FGGY: variants seen among roughly 807,000 people sequenced by gnomAD.
FGGY encodes FGGY carbohydrate kinase domain-containing protein.
Under a neutral mutation model 71.3 loss-of-function variants are expected in FGGY, and 72 were observed. The observed-to-expected ratio is 1.01, with a 90% CI of 0.84 to 1.23. The LOEUF is 1.23. Among genes scored for constraint, FGGY ranks in the 50% most tolerant of loss-of-function variants. The probability of loss-of-function intolerance (pLI) is 0.00; values close to 1 mark genes in which losing one functional copy is unlikely to be tolerated. For synonymous variants in FGGY, 251 were observed against 250.3 expected (o/e 1.00, Z -0.02); for missense variants, 668 against 682.3 (o/e 0.98, Z 0.23).
rs202054552 is a variant in FGGY at position 59,482,624 on chromosome 1, G to GTCTA, written c.670+25549_670+25550insCTAT. On this transcript the variant is annotated intron_variant, in intron 6 of 15. Coordinates refer to ENST00000303721, the MANE Select transcript of FGGY (RefSeq NM_018291.5). ...TGTATATATACATATGTGTGTGTGT[G>GTCTA]TGTCTGTGTGTATATATATATATAT... is the stretch of plus-strand genomic sequence containing the variant. Among the ~76,000 whole-genome samples the GTCTA allele has an allele frequency of 4.6e-4, 47 of 103,070 alleles. 1 individual carries two copies. Among genetic ancestry groups the GTCTA allele is most frequent in the African/African-American group, 2.2e-3 (43 of 19,816 alleles). 67.6% of individuals were successfully genotyped at this position (103,070 alleles called of 152,430 possible). A position where few individuals can be genotyped will look rare whatever the true frequency, so the allele number is the denominator to read the frequency against.
intron 4 of FGGY, among the ~76,000 whole-genome samples, chr1:59,364,460 A>G (rs1386314658): frequency 6.6e-6 from 1 of 152,190 alleles, no homozygotes; most frequent in South Asian, 2.1e-4. Flanking sequence ...TCATTTATCC[A>G]TTCATTCCTT....
chr1:59,704,580 A>T (rs1177756829), intron 14 of FGGY, among the ~76,000 whole-genome samples: 1 of 152,206 alleles, frequency 6.6e-6, no homozygotes, highest in Non-Finnish European at 1.5e-5. Flanking sequence ...TTTTTTATCT[A>T]CAAGATACTT....
At position 59,468,622 on chromosome 1, in the gene FGGY, C is replaced by G. The variant is rs1217991362; in HGVS notation, c.670+11546C>G. Reference sequence around the variant, plus strand: ...GCGTGGTGGCTCACACCTGTAATCCCAGCACTTTGGGAGGCCGAGGCAGGT... The same window carrying G: ...GCGTGGTGGCTCACACCTGTAATCCGAGCACTTTGGGAGGCCGAGGCAGGT... On this transcript the variant is annotated intron_variant, in intron 6 of 15. Transcript: ENST00000303721. Among the ~76,000 whole-genome samples, 5 of 152,072 alleles carry G rather than the reference C, an allele frequency of 3.3e-5. No individual in the cohort carries two copies. In the East Asian group the frequency reaches 7.7e-4, roughly 23 times the overall value.
At chr1:59,440,555 CAA>C (rs2153476543) in intron 5 of FGGY, among the ~76,000 whole-genome samples, 1 of 151,022 alleles carries the variant, frequency 6.6e-6, no homozygotes, top group East Asian at 1.9e-4. Context: ...GGTAGTAGGT[CAA>C]AGAAGACATC....
upstream of FGGY, chr1:59,296,934 G>A (rs988151028): frequency 6.6e-6 from 1 of 152,588 alleles, no homozygotes; most frequent in Non-Finnish European, 1.5e-5. Context: ...TCAGTCCCAC[G>A]TGGGCGCTGG....
chr1:59,384,965 T>C (rs2059910955), intron 5 of FGGY, among the ~76,000 whole-genome samples: 1 of 152,202 alleles, frequency 6.6e-6, no homozygotes, highest in South Asian at 2.1e-4. Context: ...TTTATTTGGC[T>C]CTTACATGTG....
intron 11 of FGGY, among the ~76,000 whole-genome samples, chr1:59,652,729 A>C (rs983278254): frequency 6.6e-6 from 1 of 150,594 alleles, no homozygotes; most frequent in South Asian, 2.1e-4. Flanking sequence ...TAATTTGATC[A>C]TCTGAAGCCT....
chr1:59,507,683 A>G (rs1029184208), intron 6 of FGGY, among the ~76,000 whole-genome samples: 2 of 107,260 alleles, frequency 1.9e-5, no homozygotes, highest in Non-Finnish European at 3.5e-5. Flanking sequence ...ATGCTTGGCT[A>G]ATTTTTTTTT....
At chr1:59,458,053 G>C (rs1314897785) in intron 6 of FGGY, among the ~76,000 whole-genome samples, 1 of 152,180 alleles carries the variant, frequency 6.6e-6, no homozygotes, top group Non-Finnish European at 1.5e-5. Context: ...ATCAATAAAT[G>C]GTAAGTCAGG....
At chr1:59,347,370 G>T (rs1040834908) in intron 4 of FGGY, among the ~76,000 whole-genome samples, 11 of 151,202 alleles carry the variant, frequency 7.3e-5, no homozygotes, top group Non-Finnish European at 1.5e-4. Flanking sequence ...CCTTGTGATA[G>T]TTTGCTGAGA....
intron 1 of FGGY, among the ~76,000 whole-genome samples, chr1:59,304,998 A>G (rs1343191286): frequency 6.6e-6 from 1 of 152,118 alleles, no homozygotes; most frequent in Non-Finnish European, 1.5e-5. Context: ...ATATCATGTC[A>G]TCTGTAAACA....
At chr1:59,382,416 G>A (rs1035914576) in intron 5 of FGGY, among the ~76,000 whole-genome samples, 2 of 152,172 alleles carry the variant, frequency 1.3e-5, no homozygotes, top group African/African-American at 4.8e-5. Context: ...GCAGAGAGAT[G>A]CATATGCTTG....
intron 15 of FGGY, among the ~76,000 whole-genome samples, chr1:59,762,160 G>T (rs535860757): frequency 6.7e-5 from 10 of 148,522 alleles, no homozygotes; most frequent in Non-Finnish European, 1.1e-4. Context: ...ACGGGGGACG[G>T]TTCACTGCAA....
chr1:59,594,688 C>T (rs1396751168), intron 8 of FGGY, among the ~76,000 whole-genome samples: 1 of 152,240 alleles, frequency 6.6e-6, no homozygotes, highest in Non-Finnish European at 1.5e-5. Context: ...CTGACTCTGA[C>T]ATCTGCCCTG....
At chr1:59,620,632 CAATTTT>C (rs2153834682) in intron 9 of FGGY, among the ~76,000 whole-genome samples, 1 of 152,104 alleles carries the variant, frequency 6.6e-6, no homozygotes, top group South Asian at 2.1e-4. Context: ...TTTAAGAATT[CAATTTT>C]AAGTTATCTA....
At chr1:59,509,156 G>T (rs587687) in intron 6 of FGGY, among the ~76,000 whole-genome samples, 1,998 of 152,276 alleles carry the variant, frequency 0.013, 37 homozygotes, top group African/African-American at 0.045. Context: ...TCCTTAAGGG[G>T]GAGTTTGAGC....
chr1:59,536,840 C>T (rs929123562), intron 7 of FGGY, among the ~76,000 whole-genome samples: 1 of 152,106 alleles, frequency 6.6e-6, no homozygotes, highest in Non-Finnish European at 1.5e-5. Flanking sequence ...ATTGATGGGA[C>T]ATATTTCAAA....
chr1:59,370,374 C>G (rs569367523), intron 4 of FGGY, among the ~76,000 whole-genome samples: 5 of 152,032 alleles, frequency 3.3e-5, no homozygotes, highest in African/African-American at 9.7e-5. Context: ...TAAAAAGAAA[C>G]AAACAAAGCC....
chr1:59,737,216 G>C (rs990908208), intron 14 of FGGY, among the ~76,000 whole-genome samples: 1 of 152,248 alleles, frequency 6.6e-6, no homozygotes, highest in Non-Finnish European at 1.5e-5. Flanking sequence ...GCAGGGACAG[G>C]GTCCTCTTGG....
Sources: gnomAD v4.1 joint callset for allele counts (sites outside exome capture counted in the v4.1 genomes callset) on GRCh38, gnomAD v4.1.1 for gene constraint, MANE v1.5 for transcripts, NCBI Gene and HGNC (gene_info 2026-07-23, HGNC 2026-07-21) for gene names.